Variants in DNAH6 observed in about 807,000 individuals in gnomAD.
DNAH6 encodes the protein dynein axonemal heavy chain 6.
DNAH6 carries 340 observed loss-of-function variants against 491.4 expected under a neutral mutation model. The ratio of observed to expected loss-of-function variants is 0.69; its 90% CI spans 0.63 to 0.76. The LOEUF is 0.76. Among genes scored for constraint, DNAH6 ranks in the 30% least tolerant of loss-of-function variants. DNAH6 has a pLI of 0.00. For synonymous variants in DNAH6, 1,603 were observed against 1,686.1 expected, an observed-to-expected ratio of 0.95 and a Z score of 1.21; for missense variants, 4,443 against 4,972.2, an observed-to-expected ratio of 0.89 and a Z score of 3.20.
intron 14 of DNAH6, among the ~76,000 whole-genome samples, chr2:84,582,564 G>T (rs1336489027): frequency 6.6e-6 from 1 of 152,186 alleles, no homozygotes; most frequent in Non-Finnish European, 1.5e-5. Flanking sequence ...CCATTCTCCT[G>T]CCTCAGCCTC....
intron 10 of DNAH6, 39 bp downstream of exon 10, chr2:84,553,073 A>G: frequency 8.1e-7 from 1 of 1,241,188 alleles, no homozygotes. Context: ...GCAAGCACCT[A>G]TTTGGAAAAT....
chr2:84,714,701 C>T (rs553722776), intron 57 of DNAH6, among the ~76,000 whole-genome samples: 1 of 151,938 alleles, frequency 6.6e-6, no homozygotes, highest in East Asian at 2.0e-4. Context: ...AACTTTCACT[C>T]TTTGATTTCT....
rs561809098 is a variant in DNAH6, at chr2:84,808,398, C to T, written c.11612-17C>T. The stretch of plus-strand genomic sequence containing the variant: ...ATCAATGGTGACTGGCCTGAGGAAT[C>T]GCTGTGTATGTTTCAGAAAAACTGG... On this transcript the variant is annotated splice_polypyrimidine_tract_variant and intron_variant, in intron 71 of 76. Transcript: ENST00000389394. The T allele has an allele frequency of 1.5e-5, 22 of 1,507,066 alleles. No individual in the cohort carries two copies. In the African/African-American group the frequency reaches 1.7e-4, roughly 12 times the overall value. The allele number at this position is 1,507,066 out of a possible 1,614,324, so 93.4% of individuals were successfully genotyped here.
rs115069261 is a variant in DNAH6, at chr2:84,768,772, A to G, written c.10703+5827A>G. On this transcript the variant is annotated intron_variant, in intron 64 of 76. Transcript: ENST00000389394. ...CAGTTCTCCTCAAGTTGATCTATAT[A>G]TTCAATGCCACCAAATCAAAATACC... 4.3e-3 allele frequency among the ~76,000 whole-genome samples: 649 copies of G among 152,360 alleles called. 2 individuals are homozygous for G. Among genetic ancestry groups the G allele is most frequent in the African/African-American group, 0.015 (631 of 41,584 alleles).
intron 11 of DNAH6, among the ~76,000 whole-genome samples, chr2:84,571,261 G>A (rs1681833394): frequency 6.6e-6 from 1 of 152,176 alleles, no homozygotes; most frequent in East Asian, 1.9e-4. Flanking sequence ...AAGAATCTCT[G>A]ATGTGTACTA....
At chr2:84,665,526 T>A (rs1692030593) in intron 37 of DNAH6, among the ~76,000 whole-genome samples, 2 of 152,106 alleles carry the variant, frequency 1.3e-5, no homozygotes, top group Non-Finnish European at 2.9e-5. Flanking sequence ...CCTGGACACA[T>A]ACACCCTCCC....
rs777481540 is a variant in DNAH6 at position 84,616,884 on chromosome 2, AGGACTTCT to A, written c.3478_3485del (p.Leu1160AsnfsTer6). The stretch of plus-strand genomic sequence containing the variant: ...CCAATACTATTTTTTTTTAATGAAC[AGGACTTCT>A]GGAAACTTTTCAAAACAATAATGCA... On this transcript the variant is annotated splice_acceptor_variant and coding_sequence_variant, in exon 23 of 77. Transcript: ENST00000389394. LOFTEE classifies it high-confidence loss of function. 6.9e-7 allele frequency: 1 copy of A among 1,451,564 alleles called. No homozygotes were observed. The highest frequency in any genetic ancestry group is 9.1e-7 in the Non-Finnish European group (1 of 1,103,348). The allele number at this position is 1,451,564 out of a possible 1,614,324, so 89.9% of individuals were successfully genotyped here. A position where few individuals can be genotyped will look rare whatever the true frequency, so the allele number is the denominator to read the frequency against.
rs186275401 is a variant in DNAH6 at position 84,523,027 on chromosome 2, G to C, written c.226-2538G>C. Among the ~76,000 whole-genome samples the C allele has an allele frequency of 1.3e-3, 193 of 152,060 alleles. 1 individual carries two copies. Among genetic ancestry groups the C allele is most frequent in the African/African-American group, 4.6e-3 (189 of 41,506 alleles). Reference sequence around the variant, plus strand: ...CCCCTTCCTCATTTTTTTTAGAATAGTTTCAGTAGGAATGGTACCAGCTCT... The same window carrying C: ...CCCCTTCCTCATTTTTTTTAGAATACTTTCAGTAGGAATGGTACCAGCTCT... On this transcript the variant is annotated intron_variant, in intron 2 of 76. Coordinates refer to ENST00000389394, the MANE Select transcript of DNAH6 (RefSeq NM_001370.2).
intron 37 of DNAH6, among the ~76,000 whole-genome samples, chr2:84,666,204 C>T (rs1692108906): frequency 6.6e-6 from 1 of 152,104 alleles, no homozygotes; most frequent in African/African-American, 2.4e-5. Context: ...GACAGGGTTG[C>T]CCTCTCTCAC....
At chr2:84,717,631 T>C (rs888285652) in intron 58 of DNAH6, among the ~76,000 whole-genome samples, 1 of 152,176 alleles carries the variant, frequency 6.6e-6, no homozygotes, top group Non-Finnish European at 1.5e-5. Context: ...GTGCATTGCA[T>C]AGAGTAGTAC....
chr2:84,773,807 G>A (rs1460332060), intron 64 of DNAH6, among the ~76,000 whole-genome samples: 1 of 152,052 alleles, frequency 6.6e-6, no homozygotes, highest in African/African-American at 2.4e-5. Flanking sequence ...GTATCTCATT[G>A]TGGTTTTTAT....
intron 9 of DNAH6, among the ~76,000 whole-genome samples, chr2:84,551,630 C>T (rs181937389): frequency 3.9e-5 from 6 of 152,050 alleles, no homozygotes; most frequent in Non-Finnish European, 8.8e-5. Context: ...CAGATTTTTC[C>T]CCTTAGAAAA....
At chr2:84,791,523 A>C (rs1277195261) in intron 68 of DNAH6, among the ~76,000 whole-genome samples, 1 of 152,028 alleles carries the variant, frequency 6.6e-6, no homozygotes, top group Non-Finnish European at 1.5e-5. Context: ...TGGGACAGGG[A>C]GTAGACATGA....
At chr2:84,602,275 C>T (rs976298226) in intron 18 of DNAH6, among the ~76,000 whole-genome samples, 10 of 151,884 alleles carry the variant, frequency 6.6e-5, no homozygotes, top group Admixed American at 2.0e-4. Flanking sequence ...TGTATGCTAA[C>T]GATTAATTTC....
At chr2:84,799,856 C>T (rs1173084697) in intron 70 of DNAH6, among the ~76,000 whole-genome samples, 1 of 152,256 alleles carries the variant, frequency 6.6e-6, no homozygotes, top group Non-Finnish European at 1.5e-5. Context: ...CCCTCACCCA[C>T]ATTCCCATTG....
chr2:84,710,384 G>A lies in DNAH6; in HGVS notation c.9350G>A (p.Arg3117Gln), dbSNP rs992951674. The A allele has an allele frequency of 4.5e-6, 7 of 1,551,572 alleles. No homozygotes were observed. Among genetic ancestry groups the A allele is most frequent in the Admixed American group, 2.0e-5 (1 of 50,940 alleles). The change falls in exon 56 of 77, where the codon CGA becomes CAA. Residue 3117 changes from arginine (R) to glutamine (Q), a missense_variant. Transcript: ENST00000389394. ...TTACGAATACTCGAGAATTCAATCC[G>A]ACTTGGTTTACCTGTCTTACTGGAA... ...NFLRILENSI[R>Q]LGLPVLLEEL...
chr2:84,549,071 G>C (rs970590333), intron 8 of DNAH6, among the ~76,000 whole-genome samples: 1 of 152,184 alleles, frequency 6.6e-6, no homozygotes, highest in African/African-American at 2.4e-5. Context: ...CTCACCAGGG[G>C]ACTCTCATTA....
At chr2:84,766,771 G>A (rs1675119786) in intron 64 of DNAH6, among the ~76,000 whole-genome samples, 1 of 152,162 alleles carries the variant, frequency 6.6e-6, no homozygotes, top group African/African-American at 2.4e-5. Flanking sequence ...AGGAGGCTAA[G>A]GGGCTGTGAA....
rs774911421 is a variant in DNAH6, at chr2:84,611,726, A to G, written c.3347A>G (p.Asn1116Ser). Residue 1116 changes from asparagine (N) to serine (S), a missense_variant, in exon 22 of 77, where the codon AAT (asparagine) becomes AGT (serine). By Grantham distance (46) the Asn-to-Ser change is conservative. Around this residue, in one of 3 missense-constraint regions of DNAH6, gnomAD observed 2,977 missense variants for 3,296.6 expected, o/e 0.90. Coordinates refer to ENST00000389394, the MANE Select transcript of DNAH6 (RefSeq NM_001370.2). Reference protein sequence around the residue: ...RNWLYLESIFNAPDIQRQLPA... With the variant: ...RNWLYLESIFSAPDIQRQLPA... ...TGGCTCTACCTAGAAAGTATTTTCA[A>G]TGCTCCAGACATTCAGAGGCAATTG... The G allele has an allele frequency of 2.6e-5, 40 of 1,551,028 alleles. No homozygotes were observed. Among genetic ancestry groups the G allele is most frequent in the African/African-American group, 1.5e-4 (11 of 72,992 alleles).
Sources: allele counts gnomAD v4.1 joint callset (sites outside exome capture counted in the v4.1 genomes callset), GRCh38; gene constraint gnomAD v4.1.1; regional missense constraint gnomAD v4.1.1; transcripts MANE v1.5; gene names NCBI Gene and HGNC (gene_info 2026-07-23, HGNC 2026-07-21).